Variants in MEI1 observed in about 807,000 individuals in gnomAD.
MEI1 encodes meiosis inhibitor protein 1.
Under a neutral mutation model 146.2 loss-of-function variants are expected in MEI1, and 103 were observed. The ratio of observed to expected loss-of-function variants is 0.70; its 90% confidence interval spans 0.60 to 0.83. MEI1 has a LOEUF of 0.83. MEI1 is among the 40% of genes least tolerant of loss of function. The pLI, the probability that MEI1 is intolerant of heterozygous loss-of-function variation, is 0.00. For missense variants in MEI1, 1,529 were observed against 1,533.0 expected, an observed-to-expected ratio of 1.00 and a Z score of 0.04; for synonymous variants, 652 against 628.2, an observed-to-expected ratio of 1.04 and a Z score of -0.57.
Position 41,779,144 on chromosome 22 carries a change from G to A in MEI1, c.2815+332G>A, listed in dbSNP as rs114652352. 1.5e-3 allele frequency among the ~76,000 whole-genome samples: 221 copies of A among 152,172 alleles called. 1 individual carries two copies. The highest frequency in any genetic ancestry group is 5.2e-3 in the African/African-American group (214 of 41,530). ...GTTCAAGACCAGCCTGGGCAACATA[G>A]CAAGATCCTGCCTCTACAAACTGCC... On this transcript the variant is annotated intron_variant, in intron 22 of 30. Coordinates refer to ENST00000401548, the MANE Select transcript of MEI1 (RefSeq NM_152513.4).
intron 26 of MEI1, among the ~76,000 whole-genome samples, chr22:41,791,826 A>G (rs919806419): frequency 2.0e-5 from 3 of 152,260 alleles, no homozygotes; most frequent in Non-Finnish European, 2.9e-5. Context: ...GGAATGAAGT[A>G]CTGACACATG....
intron 19 of MEI1, among the ~76,000 whole-genome samples, chr22:41,768,390 C>CA (rs11323279): frequency 5.7e-4 from 72 of 125,684 alleles, no homozygotes; most frequent in Admixed American, 3.1e-3. Flanking sequence ...CCCTGTCTCC[C>CA]AAAAAAAAAA....
intron 17 of MEI1, 77 bp downstream of exon 17, chr22:41,754,123 T>G: frequency 9.6e-7 from 1 of 1,037,076 alleles, no homozygotes; most frequent in South Asian, 1.3e-5. Flanking sequence ...ATTGACTAGA[T>G]AGTGAGTTAG....
At chr22:41,702,163 A>T (rs1267929278) in intron 1 of MEI1, among the ~76,000 whole-genome samples, 1 of 152,184 alleles carries the variant, frequency 6.6e-6, no homozygotes, top group African/African-American at 2.4e-5. Flanking sequence ...TTCTTTTGAG[A>T]TGGTTTCGCT....
intron 5 of MEI1, 73 bp downstream of exon 5, chr22:41,716,219 T>G: frequency 9.6e-7 from 1 of 1,042,926 alleles, no homozygotes; most frequent in South Asian, 1.4e-5. Flanking sequence ...GGGTGTCCCA[T>G]TCACTCTGTA....
intron 11 of MEI1, among the ~76,000 whole-genome samples, chr22:41,742,565 G>A (rs1601868051): frequency 6.6e-6 from 1 of 152,320 alleles, no homozygotes; most frequent in East Asian, 1.9e-4. Flanking sequence ...TATGAGGAGA[G>A]TACTATTAGC....
chr22:41,765,677 CCT>C (rs1024021308), intron 19 of MEI1, among the ~76,000 whole-genome samples: 1 of 151,902 alleles, frequency 6.6e-6, no homozygotes, highest in Non-Finnish European at 1.5e-5. Context: ...ATCCCCACCC[CCT>C]TATTCTTTTT....
At chr22:41,734,330 C>T (rs867982621) in intron 11 of MEI1, among the ~76,000 whole-genome samples, 20 of 150,564 alleles carry the variant, frequency 1.3e-4, no homozygotes, top group East Asian at 4.1e-4. Context: ...CGGTGGCTCA[C>T]GCCTATAATC....
At chr22:41,735,209 G>A (rs992805715) in intron 11 of MEI1, among the ~76,000 whole-genome samples, 7 of 146,290 alleles carry the variant, frequency 4.8e-5, no homozygotes, top group Non-Finnish European at 8.9e-5. Context: ...TGATCCGCCC[G>A]CTTCGGCCTC....
intron 26 of MEI1, among the ~76,000 whole-genome samples, chr22:41,793,080 C>G (rs947092618): frequency 9.4e-6 from 1 of 106,290 alleles, no homozygotes; most frequent in Non-Finnish European, 1.7e-5. Flanking sequence ...GAGTCTTGCT[C>G]TGTTGCCCAG....
rs373850413 is a variant in MEI1, at chr22:41,744,979, G to T, written c.1453G>T (p.Ala485Ser). 4.1e-5 allele frequency: 64 copies of T among 1,548,984 alleles called. No individual in the cohort carries two copies. The East Asian group carries it at 5.3e-4, about 13-fold the overall frequency. ...TCTCTCCTTCCCACCTCAGGGCCAT[G>T]CCTCCAGTAGAGATTCAGAGAAGGC... The part of the protein sequence containing the change: ...TLLSRRPLGH[A>S]SSRDSEKAIL... The change falls in exon 13 of 31, where the codon GCC (alanine) becomes TCC (serine). Residue 485 changes from alanine (A) to serine (S), a missense_variant. By Grantham distance (99) the Ala-to-Ser change is moderately conservative (BLOSUM62 1). Around this residue, in one of 3 missense-constraint regions of MEI1, gnomAD observed 1,212 missense variants for 1,178.9 expected, o/e 1.03. Transcript: ENST00000401548.
intron 11 of MEI1, among the ~76,000 whole-genome samples, chr22:41,739,172 C>T (rs891555688): frequency 1.2e-4 from 18 of 151,740 alleles, no homozygotes; most frequent in Non-Finnish European, 5.9e-5. Context: ...GGCGTGGTGG[C>T]GAGTGCCTGT....
chr22:41,771,109 G>T, intron 20 of MEI1, 148 bp downstream of exon 20: 1 of 876,602 alleles, frequency 1.1e-6, no homozygotes, highest in Non-Finnish European at 1.8e-6. Flanking sequence ...AGGGGTGGTG[G>T]TCTCTTCTAC....
chr22:41,786,456 A>G (rs1403449165), intron 26 of MEI1, among the ~76,000 whole-genome samples: 1 of 152,248 alleles, frequency 6.6e-6, no homozygotes, highest in Non-Finnish European at 1.5e-5. Context: ...CCAGAAGCTC[A>G]GAGAAGGTCA....
rs1175896017 is a variant in MEI1 at position 41,752,869 on chromosome 22, A to G, written c.1853+218A>G. ...GGATCTTATTCCTGGTGATACTTGG[A>G]TGGGTACCTGTCACATCAAAACTGG... On this transcript the variant is annotated intron_variant, in intron 16 of 30. Transcript: ENST00000401548. 2.0e-5 allele frequency among the ~76,000 whole-genome samples: 3 copies of G among 152,068 alleles called. No individual in the cohort carries two copies. Among genetic ancestry groups the G allele is most frequent in the South Asian group, 2.1e-4 (1 of 4,830 alleles).
At position 41,743,109 on chromosome 22, in the gene MEI1, A is replaced by C; in HGVS notation, c.1361A>C (p.Gln454Pro). 6.2e-7 allele frequency: 1 copy of C among 1,613,234 alleles called. No homozygotes were observed. Among genetic ancestry groups the C allele is most frequent in the Non-Finnish European group, 8.5e-7 (1 of 1,179,718 alleles). ...RKDHQSTPPVQYGELQALLEA... is the reference protein window; with the variant it reads ...RKDHQSTPPVPYGELQALLEA... Reference sequence around the variant, plus strand: ...GACCATCAGAGCACTCCACCTGTGCAGTATGGGGAACTGCAGGCTTTGCTA... The same window carrying C: ...GACCATCAGAGCACTCCACCTGTGCCGTATGGGGAACTGCAGGCTTTGCTA... The change falls in exon 12 of 31, where the codon CAG (glutamine) becomes CCG (proline). Residue 454 changes from glutamine (Q) to proline (P), a missense_variant. Gln to Pro is a moderately conservative substitution (Grantham distance 76). Coordinates refer to ENST00000401548, the MANE Select transcript of MEI1 (RefSeq NM_152513.4).
At chr22:41,759,229 C>G (rs2074296484) in intron 18 of MEI1, 1 of 152,108 alleles carries the variant, frequency 6.6e-6, no homozygotes, top group African/African-American at 2.4e-5. Flanking sequence ...TGCAGTGGCT[C>G]ACACCTGTAA....
chr22:41,710,608 C>T (rs1196974720), intron 3 of MEI1, among the ~76,000 whole-genome samples: 1 of 152,156 alleles, frequency 6.6e-6, no homozygotes, highest in Admixed American at 6.5e-5. Flanking sequence ...GTGGTTCCAG[C>T]TGATAGAGTA....
chr22:41,779,277 T>C (rs2075629424), intron 22 of MEI1, among the ~76,000 whole-genome samples: 1 of 151,876 alleles, frequency 6.6e-6, no homozygotes, highest in African/African-American at 2.4e-5. Flanking sequence ...TGAAACCCTG[T>C]CTCTACAAAA....
Sources: gnomAD v4.1 joint callset for allele counts (sites outside exome capture counted in the v4.1 genomes callset) on GRCh38, gnomAD v4.1.1 for gene constraint, gnomAD v4.1.1 regional missense constraint, MANE v1.5 for transcripts, NCBI Gene and HGNC (gene_info 2026-07-23, HGNC 2026-07-21) for gene names.